KCNB2: variants seen among roughly 807,000 people sequenced by gnomAD.
KCNB2 encodes the protein potassium voltage-gated channel subfamily B member 2.
Under a neutral mutation model 61.5 loss-of-function variants are expected in KCNB2, and 15 were observed. The observed-to-expected ratio is 0.24, with a 90% CI of 0.16 to 0.38. The LOEUF is 0.38. Among genes scored for constraint, KCNB2 ranks in the 10% least tolerant of loss-of-function variants. The pLI, the probability that KCNB2 is intolerant of heterozygous loss-of-function variation, is 1.00. For missense variants in KCNB2, 828 were observed against 1,125.2 expected, an observed-to-expected ratio of 0.74 and a Z score of 3.78; for synonymous variants, 457 against 446.0, an observed-to-expected ratio of 1.02 and a Z score of -0.31.
At chr8:72,545,403 CTG>C (rs919564407) in intron 1 of KCNB2, among the ~76,000 whole-genome samples, 3 of 152,162 alleles carry the variant, frequency 2.0e-5, no homozygotes, top group African/African-American at 7.2e-5. Context: ...CTTCTTGTCT[CTG>C]TGTCACATTT....
intron 2 of KCNB2, among the ~76,000 whole-genome samples, chr8:72,910,546 T>C (rs748905701): frequency 2.0e-5 from 3 of 152,152 alleles, no homozygotes; most frequent in Admixed American, 1.3e-4. Context: ...CATAGCATTA[T>C]GGAATTCAAG....
intron 2 of KCNB2, among the ~76,000 whole-genome samples, chr8:72,673,780 A>G (rs537187394): frequency 3.9e-5 from 6 of 152,336 alleles, no homozygotes; most frequent in African/African-American, 1.4e-4. Flanking sequence ...AGTAGTTGCC[A>G]GGGTCTGGGG....
intron 2 of KCNB2, among the ~76,000 whole-genome samples, chr8:72,854,268 G>A (rs939145653): frequency 6.6e-6 from 1 of 152,018 alleles, no homozygotes; most frequent in Non-Finnish European, 1.5e-5. Context: ...AAAACCTCAC[G>A]TTCTTACATA....
At chr8:72,566,722 AAAAG>A (rs1331549872) in intron 1 of KCNB2, among the ~76,000 whole-genome samples, 12 of 152,010 alleles carry the variant, frequency 7.9e-5, no homozygotes, top group East Asian at 5.8e-4. Flanking sequence ...AAAAAAAAAA[AAAAG>A]AAAGAAAGGA....
chr8:72,926,514 A>C (rs780880002), intron 2 of KCNB2, among the ~76,000 whole-genome samples: 1 of 152,108 alleles, frequency 6.6e-6, no homozygotes, highest in Non-Finnish European at 1.5e-5. Flanking sequence ...AACGTGTGCC[A>C]TGGTGGTTTG....
rs1458926209 is a variant in KCNB2, at chr8:72,936,689, G to A, written c.1334G>A (p.Arg445Lys). The A allele has an allele frequency of 6.2e-7, 1 of 1,614,194 alleles. No homozygotes were observed. Among genetic ancestry groups the A allele is most frequent in the Non-Finnish European group, 8.5e-7 (1 of 1,180,036 alleles). Residue 445 changes from arginine to lysine, a missense_variant, in exon 3 of 3, where the codon AGG (arginine) becomes AAG (lysine). Transcript: ENST00000523207. The surrounding 1 kb of genome is among the most constrained non-coding windows in gnomAD (Gnocchi z 5.6). ...KRREALERAK[R>K]NGSIVSMNLK... ...AGGGAGGCTCTTGAGCGGGCCAAAAGGAACGGAAGCATCGTTTCTATGAAC... is the reference window on the plus strand; with the variant it reads ...AGGGAGGCTCTTGAGCGGGCCAAAAAGAACGGAAGCATCGTTTCTATGAAC...
chr8:72,860,730 G>A (rs1310642797), intron 2 of KCNB2, among the ~76,000 whole-genome samples: 2 of 152,212 alleles, frequency 1.3e-5, no homozygotes, highest in East Asian at 1.9e-4. Flanking sequence ...GAGGCAAAAT[G>A]CATTCCACTG....
intron 2 of KCNB2, among the ~76,000 whole-genome samples, chr8:72,670,910 C>G (rs1043928149): frequency 6.6e-6 from 1 of 152,158 alleles, no homozygotes; most frequent in Non-Finnish European, 1.5e-5. Context: ...TTACCTCTCA[C>G]ATGAAGACTT....
At chr8:72,562,286 C>G (rs1806549443) in intron 1 of KCNB2, among the ~76,000 whole-genome samples, 1 of 152,156 alleles carries the variant, frequency 6.6e-6, no homozygotes, top group Non-Finnish European at 1.5e-5. Context: ...CCCCACTCCC[C>G]CTCCAAACCT....
intron 2 of KCNB2, among the ~76,000 whole-genome samples, chr8:72,919,941 G>A (rs1806476263): frequency 6.6e-6 from 1 of 151,926 alleles, no homozygotes; most frequent in Admixed American, 6.6e-5. Context: ...CACTTACGAG[G>A]TACTAGATAT....
rs144967958 is a variant in KCNB2 at position 72,696,521 on chromosome 8, G to A, written c.579+128208G>A. ...GGGGTTATGATGTGGCTAGACCCTGGGTTAAGAATCTCTTTCTTAGAGAAT... is the reference window on the plus strand; with the variant it reads ...GGGGTTATGATGTGGCTAGACCCTGAGTTAAGAATCTCTTTCTTAGAGAAT... On this transcript the variant is annotated intron_variant, in intron 2 of 2. Transcript: ENST00000523207. Among the ~76,000 whole-genome samples the A allele has an allele frequency of 1.6e-3, 246 of 152,196 alleles. 2 individuals are homozygous for A. Among genetic ancestry groups the A allele is most frequent in the African/African-American group, 5.5e-3 (228 of 41,532 alleles).
chr8:72,870,885 G>C (rs1180875844), intron 2 of KCNB2, among the ~76,000 whole-genome samples: 3 of 152,248 alleles, frequency 2.0e-5, no homozygotes, highest in African/African-American at 7.2e-5. Flanking sequence ...GCTGAGGTGA[G>C]AGGATCACTT....
At chr8:72,917,769 A>C (rs1227353914) in intron 2 of KCNB2, among the ~76,000 whole-genome samples, 1 of 152,220 alleles carries the variant, frequency 6.6e-6, no homozygotes, top group Non-Finnish European at 1.5e-5. Flanking sequence ...AAAAGCCCCC[A>C]CTAATCAAAA....
chr8:72,776,722 G>A (rs577257246), intron 2 of KCNB2, among the ~76,000 whole-genome samples: 83 of 152,272 alleles, frequency 5.5e-4, no homozygotes, highest in Admixed American at 1.5e-3. Flanking sequence ...TGACACACAC[G>A]TTCGGAGATC....
At chr8:72,562,786 CATT>C (rs1806558017) in intron 1 of KCNB2, among the ~76,000 whole-genome samples, 2 of 152,072 alleles carry the variant, frequency 1.3e-5, no homozygotes, top group South Asian at 4.1e-4. Flanking sequence ...GGTAAAAAAT[CATT>C]ATGATAGACA....
intron 2 of KCNB2, among the ~76,000 whole-genome samples, chr8:72,779,397 A>G (rs1808718224): frequency 6.6e-6 from 1 of 152,084 alleles, no homozygotes; most frequent in Non-Finnish European, 1.5e-5. Context: ...GAATATTCCT[A>G]TTTCTTGGGC....
intron 2 of KCNB2, among the ~76,000 whole-genome samples, chr8:72,911,436 G>A (rs939397339): frequency 1.3e-5 from 2 of 152,198 alleles, no homozygotes; most frequent in East Asian, 3.9e-4. Flanking sequence ...TGCGTGCAGG[G>A]GCACACACCA....
At position 72,556,477 on chromosome 8, in the gene KCNB2, A is replaced by G. The variant is rs141851710; in HGVS notation, c.-93-11165A>G. On this transcript the variant is annotated intron_variant, in intron 1 of 2. Coordinates refer to ENST00000523207, the MANE Select transcript of KCNB2 (RefSeq NM_004770.3). ...TTAATGATCCTCACTAATGATAAGGATGGATGGAAAACATTATTCCCAAGG... is the reference window on the plus strand; with the variant it reads ...TTAATGATCCTCACTAATGATAAGGGTGGATGGAAAACATTATTCCCAAGG... 8.2e-3 allele frequency among the ~76,000 whole-genome samples: 1,245 copies of G among 152,222 alleles called. 15 individuals carry two copies. Among genetic ancestry groups the G allele is most frequent in the African/African-American group, 0.028 (1,149 of 41,540 alleles).
At chr8:72,660,243 G>A (rs1806357008) in intron 2 of KCNB2, among the ~76,000 whole-genome samples, 1 of 152,114 alleles carries the variant, frequency 6.6e-6, no homozygotes, top group African/African-American at 2.4e-5. Context: ...TTTTCAAGTG[G>A]GAAGGTTGAA....
Sources: allele counts gnomAD v4.1 joint callset (sites outside exome capture counted in the v4.1 genomes callset), GRCh38; gene constraint gnomAD v4.1.1; non-coding constraint Gnocchi (gnomAD v3.1); transcripts MANE v1.5; gene names NCBI Gene and HGNC (gene_info 2026-07-23, HGNC 2026-07-21).